MGST1: variants seen among roughly 807,000 people sequenced by gnomAD.
The protein encoded by MGST1 is glutathione S-transferase 12.
In MGST1, 5 loss-of-function variants were observed where a neutral mutation model predicts 8.9. That is an observed-to-expected ratio of 0.56 (90% CI 0.29 to 1.19). The LOEUF is 1.19. Ranked by LOEUF, MGST1 falls within the 50% of genes most tolerant of loss-of-function variation. The probability of loss-of-function intolerance (pLI) is 0.08; values close to 1 mark genes in which losing one functional copy is unlikely to be tolerated. For missense variants in MGST1, 182 were observed against 187.4 expected (o/e 0.97, Z 0.17); for synonymous variants, 54 against 67.8 (o/e 0.80, Z 1.00).
At chr12:16,353,127 G>A (rs1939546101) in intron 1 of MGST1, among the ~76,000 whole-genome samples, 1 of 151,892 alleles carries the variant, frequency 6.6e-6, no homozygotes. Context: ...TCTGCCTCCT[G>A]GGTTCATGCT....
At chr12:16,557,390 G>GTAAT (rs532292784) in intron 4 of MGST1, among the ~76,000 whole-genome samples, 4 of 139,982 alleles carry the variant, frequency 2.9e-5, no homozygotes, top group Non-Finnish European at 6.1e-5. Flanking sequence ...TTTTTTAAAC[G>GTAAT]TAATTCCTAG....
rs1358387043 is a variant in MGST1 at position 16,500,810 on chromosome 12, A to C, written n.483-88718A>C. 6.6e-6 allele frequency among the ~76,000 whole-genome samples: 1 copy of C among 152,226 alleles called. No homozygotes were observed. Among genetic ancestry groups the C allele is most frequent in the Non-Finnish European group, 1.5e-5 (1 of 68,042 alleles). ...TATTTATCGTTCTTTTTGTTCAATG[A>C]AAATGTACTTAGAGGTTGGGCGTGG... is the stretch of plus-strand genomic sequence containing the variant. On this transcript the variant is annotated intron_variant and non_coding_transcript_variant, in intron 4 of 4. Transcript: ENST00000538857. This position sits in a 1 kb window ranked among gnomAD's most constrained non-coding sequence, Gnocchi z 4.3.
At chr12:16,412,449 G>A (rs1266714116) in intron 1 of MGST1, among the ~76,000 whole-genome samples, 1 of 152,156 alleles carries the variant, frequency 6.6e-6, no homozygotes, top group African/African-American at 2.4e-5. Flanking sequence ...AATTAGGATT[G>A]TGCATAACAA....
chr12:16,557,377 T>G (rs1711926463), intron 4 of MGST1, among the ~76,000 whole-genome samples: 2 of 151,636 alleles, frequency 1.3e-5, no homozygotes, highest in South Asian at 4.2e-4. Flanking sequence ...ATTTTTTTTT[T>G]TTTTTTTTAA....
intron 4 of MGST1, among the ~76,000 whole-genome samples, chr12:16,509,162 T>G (rs1342497687): frequency 1.3e-5 from 2 of 152,206 alleles, no homozygotes; most frequent in East Asian, 3.8e-4. Flanking sequence ...CATAATTGTT[T>G]AAAGAAAACA....
In MGST1 at chr12:16,546,837, C is replaced by T. The variant is rs1357421463; in HGVS notation, n.483-42691C>T. On this transcript the variant is annotated intron_variant and non_coding_transcript_variant, in intron 4 of 4. Transcript: ENST00000538857. This position sits in a 1 kb window ranked among gnomAD's most constrained non-coding sequence, Gnocchi z 4.7. Reference sequence around the variant, plus strand: ...GTCATTATCCACAAACCCACCCCAACCAAGCCTGCCAAAAGCAAAAAAATG... The same window carrying T: ...GTCATTATCCACAAACCCACCCCAATCAAGCCTGCCAAAAGCAAAAAAATG... Among the ~76,000 whole-genome samples, 2 of 151,664 alleles carry T rather than the reference C, an allele frequency of 1.3e-5. No homozygotes were observed. Among genetic ancestry groups the T allele is most frequent in the Non-Finnish European group, 2.9e-5 (2 of 67,800 alleles).
intron 4 of MGST1, among the ~76,000 whole-genome samples, chr12:16,529,069 T>G (rs1444305835): frequency 6.6e-6 from 1 of 152,082 alleles, no homozygotes; most frequent in East Asian, 1.9e-4. Flanking sequence ...CCTCATTCAT[T>G]TTAGATATGA....
intron 4 of MGST1, among the ~76,000 whole-genome samples, chr12:16,510,562 C>T (rs1941570495): frequency 6.6e-6 from 1 of 152,152 alleles, no homozygotes; most frequent in Non-Finnish European, 1.5e-5. Context: ...GTATGCAAAC[C>T]TTGGTTTTCC....
intron 1 of MGST1, among the ~76,000 whole-genome samples, chr12:16,436,697 G>A (rs914867438): frequency 6.6e-6 from 1 of 151,888 alleles, no homozygotes; most frequent in Admixed American, 6.6e-5. Flanking sequence ...ATTTTCACAA[G>A]AGCCTTATTG....
At chr12:16,556,606 T>C (rs930137894) in intron 4 of MGST1, among the ~76,000 whole-genome samples, 7 of 152,228 alleles carry the variant, frequency 4.6e-5, no homozygotes, top group Non-Finnish European at 5.9e-5. Context: ...AAAATGCCTA[T>C]GAATTACCTA....
chr12:16,525,378 G>A (rs1310028979), intron 4 of MGST1, among the ~76,000 whole-genome samples: 1 of 149,236 alleles, frequency 6.7e-6, no homozygotes, highest in African/African-American at 2.5e-5. Flanking sequence ...CCACCTATGA[G>A]TGAGAATATG....
rs182135206 is a variant in MGST1 at position 16,348,150 on chromosome 12, G to C, written c.-23+440G>C. ...GTTTCATGGGCATAGTGGCCTTTAT[G>C]CCTATTGTAAGGCAGGATTTGCTCT... On this transcript the variant is annotated intron_variant, in intron 1 of 3. Transcript: ENST00000396210. Among the ~76,000 whole-genome samples, 558 of 152,328 alleles carry C rather than the reference G, an allele frequency of 3.7e-3. 2 individuals carry two copies. Among genetic ancestry groups the C allele is most frequent in the Admixed American group, 7.8e-3 (119 of 15,306 alleles).
chr12:16,469,054 C>T (rs1941274041), intron 4 of MGST1, among the ~76,000 whole-genome samples: 1 of 152,150 alleles, frequency 6.6e-6, no homozygotes, highest in Admixed American at 6.5e-5. Flanking sequence ...CCACCTATTC[C>T]TGCACTGCTA....
At chr12:16,553,554 G>C (rs1565479156) in intron 4 of MGST1, among the ~76,000 whole-genome samples, 1 of 152,080 alleles carries the variant, frequency 6.6e-6, no homozygotes, top group Non-Finnish European at 1.5e-5. Flanking sequence ...ACTGGATAAA[G>C]TGCATTTTAT....
intron 4 of MGST1, among the ~76,000 whole-genome samples, chr12:16,495,382 G>A (rs920285774): frequency 1.2e-4 from 18 of 151,994 alleles, no homozygotes; most frequent in Middle Eastern, 3.2e-3. Context: ...CTCAAATGAC[G>A]GGATCATTCC....
At position 16,547,984 on chromosome 12, in the gene MGST1, A is replaced by G. The variant is rs1941850743; in HGVS notation, n.483-41544A>G. On this transcript the variant is annotated intron_variant and non_coding_transcript_variant, in intron 4 of 4. Transcript: ENST00000538857. The surrounding 1 kb of genome is among the most constrained non-coding windows in gnomAD (Gnocchi z 4.6). ...AGTGCCCTGTTTCAGTTAAGGTGCA[A>G]CATCTCTTCTGTAAAAATGTAGAAT... Among the ~76,000 whole-genome samples, 1 of 152,134 alleles carries G rather than the reference A, an allele frequency of 6.6e-6. No individual in the cohort carries two copies. Among genetic ancestry groups the G allele is most frequent in the African/African-American group, 2.4e-5 (1 of 41,436 alleles).
At chr12:16,565,983 CATATAT>C (rs61358392) in intron 4 of MGST1, among the ~76,000 whole-genome samples, 67 of 43,832 alleles carry the variant, frequency 1.5e-3, no homozygotes, top group Non-Finnish European at 1.8e-3. Flanking sequence ...GAAAATGTGC[CATATAT>C]ATATATATAT....
At position 16,401,581 on chromosome 12, in the gene MGST1, A is replaced by T; in HGVS notation, n.778+17977A>T. Reference sequence around the variant, plus strand: ...AGTGCGAACAGGTTGGAGCAATAAGACTCGAAGCGAATACCCATGGCACAA... The same window carrying T: ...AGTGCGAACAGGTTGGAGCAATAAGTCTCGAAGCGAATACCCATGGCACAA... On this transcript the variant is annotated intron_variant and non_coding_transcript_variant, in intron 1 of 1. Transcript: ENST00000359720. The surrounding 1 kb of genome is among the most constrained non-coding windows in gnomAD (Gnocchi z 4.3). The T allele has an allele frequency of 7.4e-7, 1 of 1,354,282 alleles. No individual in the cohort carries two copies. Among genetic ancestry groups the T allele is most frequent in the Non-Finnish European group, 1.1e-6 (1 of 944,156 alleles). The allele number at this position is 1,354,282 out of a possible 1,614,324, so 83.9% of individuals were successfully genotyped here.
At chr12:16,469,852 A>T (rs1216292177) in intron 4 of MGST1, among the ~76,000 whole-genome samples, 1 of 152,226 alleles carries the variant, frequency 6.6e-6, no homozygotes, top group East Asian at 1.9e-4. Flanking sequence ...AGCCTTGAAT[A>T]ATCAAAGCAT....
Sources: gnomAD v4.1 joint callset for allele counts (sites outside exome capture counted in the v4.1 genomes callset) on GRCh38, gnomAD v4.1.1 for gene constraint, Gnocchi (gnomAD v3.1) non-coding constraint, MANE v1.5 for transcripts, NCBI Gene and HGNC (gene_info 2026-07-23, HGNC 2026-07-21) for gene names.